The following WNT7A variants were observed in gnomAD, a reference collection of about 807,000 sequenced individuals.
The protein encoded by WNT7A is protein Wnt-7a.
In WNT7A, 16 loss-of-function variants were observed where a neutral mutation model predicts 28.2. The observed-to-expected ratio is 0.57, with a 90% CI of 0.38 to 0.86. WNT7A has a LOEUF of 0.86. Among genes scored for constraint, WNT7A ranks in the 40% least tolerant of loss-of-function variants. The pLI is 0.00. For missense variants in WNT7A, 411 were observed against 489.7 expected, an observed-to-expected ratio of 0.84 and a Z score of 1.52; for synonymous variants, 190 against 195.9, an observed-to-expected ratio of 0.97 and a Z score of 0.25.
chr3:13,878,650 A>G (rs1038335124), intron 1 of WNT7A, among the ~76,000 whole-genome samples: 1 of 152,092 alleles, frequency 6.6e-6, no homozygotes, highest in African/African-American at 2.4e-5. Context: ...TAGTAGTGAC[A>G]AAACACAAAG....
chr3:13,829,141 T>C (rs1218540711), intron 3 of WNT7A, among the ~76,000 whole-genome samples: 1 of 152,170 alleles, frequency 6.6e-6, no homozygotes, highest in South Asian at 2.1e-4. Context: ...GCAGTCATCT[T>C]GTGACCATTA....
At chr3:13,847,447 C>T (rs761882026) in intron 3 of WNT7A, among the ~76,000 whole-genome samples, 6 of 152,294 alleles carry the variant, frequency 3.9e-5, no homozygotes, top group Admixed American at 6.5e-5. Context: ...CGGGGCCCCT[C>T]CAGTTCAGGG....
At chr3:13,874,032 C>T (rs1187940104) in intron 2 of WNT7A, among the ~76,000 whole-genome samples, 1 of 152,128 alleles carries the variant, frequency 6.6e-6, no homozygotes, top group African/African-American at 2.4e-5. Context: ...GAAGGGACTG[C>T]AGGATGGCCA....
chr3:13,854,483 T>G, intron 3 of WNT7A, 49 bp downstream of exon 3: 2 of 1,612,588 alleles, frequency 1.2e-6, no homozygotes, highest in Non-Finnish European at 8.5e-7. Flanking sequence ...ACAAGCCATT[T>G]TGCAGCATCT....
intron 3 of WNT7A, among the ~76,000 whole-genome samples, chr3:13,838,016 C>G (rs147000976): frequency 6.6e-6 from 1 of 152,358 alleles, no homozygotes; most frequent in African/African-American, 2.4e-5. Flanking sequence ...AAAGACACCT[C>G]TGAGATATTC....
chr3:13,851,894 A>G (rs913159853), intron 3 of WNT7A, among the ~76,000 whole-genome samples: 6 of 152,230 alleles, frequency 3.9e-5, no homozygotes, highest in African/African-American at 7.2e-5. Flanking sequence ...CGAAATGCCA[A>G]TAGGGGAAAC....
intron 3 of WNT7A, among the ~76,000 whole-genome samples, chr3:13,837,993 C>T (rs1216473177): frequency 2.0e-5 from 3 of 152,196 alleles, no homozygotes; most frequent in Non-Finnish European, 4.4e-5. Context: ...CAACAGCCCC[C>T]GGATGTGTGT....
At position 13,856,978 on chromosome 3, in the gene WNT7A, A is replaced by AGAAGAAGG. The variant is rs1694755162; in HGVS notation, c.299-2176_299-2175insCCTTCTTC. ...GAAGAAGAAGAAGAAGGAGAAGAAG[A>AGAAGAAGG]AGAAGAAGGAGAAGAAGAAGAAGAA... On this transcript the variant is annotated intron_variant, in intron 2 of 3. Transcript: ENST00000285018. Among the ~76,000 whole-genome samples the AGAAGAAGG allele has an allele frequency of 2.7e-3, 276 of 100,666 alleles. 2 individuals carry two copies. Among genetic ancestry groups the AGAAGAAGG allele is most frequent in the African/African-American group, 0.017 (254 of 14,978 alleles). 66.0% of individuals were successfully genotyped at this position (100,666 alleles called of 152,430 possible).
intron 3 of WNT7A, among the ~76,000 whole-genome samples, chr3:13,845,420 T>C (rs1694523728): frequency 1.3e-5 from 2 of 152,258 alleles, no homozygotes; most frequent in African/African-American, 2.4e-5. Context: ...TTTTTAATCT[T>C]ATTTATTTGT....
chr3:13,870,809 T>C (rs1258884899), intron 2 of WNT7A, among the ~76,000 whole-genome samples: 1 of 152,242 alleles, frequency 6.6e-6, no homozygotes, highest in Non-Finnish European at 1.5e-5. Flanking sequence ...ATGCCAACGC[T>C]ACCTCTGGTC....
intron 3 of WNT7A, among the ~76,000 whole-genome samples, chr3:13,825,080 T>C (rs1003886850): frequency 3.9e-5 from 6 of 152,288 alleles, no homozygotes; most frequent in Non-Finnish European, 7.4e-5. Flanking sequence ...GACTCATCCA[T>C]GTATGCTTGT....
intron 2 of WNT7A, among the ~76,000 whole-genome samples, chr3:13,872,372 G>A (rs1695039890): frequency 6.6e-6 from 1 of 151,858 alleles, no homozygotes; most frequent in South Asian, 2.1e-4. Flanking sequence ...CACTTCTGTG[G>A]GCCAAAAATC....
chr3:13,837,538 GTGAA>G (rs59047870), intron 3 of WNT7A, among the ~76,000 whole-genome samples: 16,210 of 149,822 alleles, frequency 0.11, 970 homozygotes, highest in Middle Eastern at 0.19. Context: ...TTCTGGGTGA[GTGAA>G]TGAATGAATG....
chr3:13,842,112 G>T lies in WNT7A; in HGVS notation c.570+12420C>A, dbSNP rs553138282. On this transcript the variant is annotated intron_variant, in intron 3 of 3. Transcript: ENST00000285018. Reference sequence around the variant, plus strand: ...GAGGGGCCTGTGAGCCACCGTGAAGGCTTCTGTGTCTACTCTGGGTGAGAT... The same window carrying T: ...GAGGGGCCTGTGAGCCACCGTGAAGTCTTCTGTGTCTACTCTGGGTGAGAT... Among the ~76,000 whole-genome samples the T allele has an allele frequency of 9.2e-5, 14 of 152,250 alleles. No individual in the cohort carries two copies. In the South Asian group the frequency reaches 2.9e-3, roughly 32 times the overall value.
intron 3 of WNT7A, among the ~76,000 whole-genome samples, chr3:13,838,985 T>C (rs1324255660): frequency 6.6e-6 from 1 of 152,262 alleles, no homozygotes; most frequent in Non-Finnish European, 1.5e-5. Context: ...ATTTGCATAT[T>C]GATTACATAT....
Position 13,855,598 on chromosome 3 carries a change from C to G in WNT7A, c.299-795G>C, listed in dbSNP as rs535896257. On this transcript the variant is annotated intron_variant, in intron 2 of 3. Coordinates refer to ENST00000285018, the MANE Select transcript of WNT7A (RefSeq NM_004625.4). The stretch of plus-strand genomic sequence containing the variant: ...GGTGCAGGAGACAGCGTGGGACAGG[C>G]AGTCACTCAGAGTTGGCCTAAATAT... 3.5e-4 allele frequency among the ~76,000 whole-genome samples: 54 copies of G among 152,300 alleles called. No homozygotes were observed. In the East Asian group the frequency reaches 9.6e-3, roughly 27 times the overall value.
At chr3:13,871,882 C>A (rs770913148) in intron 2 of WNT7A, among the ~76,000 whole-genome samples, 1 of 152,174 alleles carries the variant, frequency 6.6e-6, no homozygotes, top group Non-Finnish European at 1.5e-5. Context: ...GAAATCCAGA[C>A]CCCCTGCCCT....
chr3:13,825,282 G>A (rs1299590751), intron 3 of WNT7A, among the ~76,000 whole-genome samples: 1 of 152,150 alleles, frequency 6.6e-6, no homozygotes, highest in Non-Finnish European at 1.5e-5. Context: ...TTCCCTGATT[G>A]TCAGGATAGA....
At chr3:13,834,196 G>T (rs1694327498) in intron 3 of WNT7A, among the ~76,000 whole-genome samples, 1 of 152,008 alleles carries the variant, frequency 6.6e-6, no homozygotes, top group African/African-American at 2.4e-5. Context: ...TGTTTATTTT[G>T]CTCAGGGTGA....
Sources: allele counts gnomAD v4.1 joint callset (sites outside exome capture counted in the v4.1 genomes callset), GRCh38; gene constraint gnomAD v4.1.1; transcripts MANE v1.5; gene names NCBI Gene and HGNC (gene_info 2026-07-23, HGNC 2026-07-21).